APBA1: variants seen among roughly 807,000 people sequenced by gnomAD.
APBA1 encodes amyloid-beta A4 precursor protein-binding family A member 1.
In APBA1, 55 loss-of-function variants were observed where a neutral mutation model predicts 86.6. The observed-to-expected ratio is 0.64, with a 90% CI of 0.51 to 0.80. The LOEUF (loss-of-function observed/expected upper bound fraction) is 0.80, where lower values mean the gene tolerates loss of function less well. APBA1 is among the 30% of genes least tolerant of loss of function. The pLI, the probability that APBA1 is intolerant of heterozygous loss-of-function variation, is 0.00. For missense variants in APBA1, 1,090 were observed against 1,183.0 expected (o/e 0.92, Z 1.15); for synonymous variants, 511 against 493.9 (o/e 1.03, Z -0.46).
chr9:69,551,140 T>C (rs1386254761), intron 1 of APBA1, among the ~76,000 whole-genome samples: 1 of 152,242 alleles, frequency 6.6e-6, no homozygotes, highest in East Asian at 1.9e-4. Context: ...GGATACTTTT[T>C]GGATGGCCTT....
At chr9:69,493,829 CA>C (rs1835752560) in intron 2 of APBA1, among the ~76,000 whole-genome samples, 1 of 152,122 alleles carries the variant, frequency 6.6e-6, no homozygotes, top group South Asian at 2.1e-4. Flanking sequence ...CCACTGTCCT[CA>C]AATAGCTTTG....
intron 1 of APBA1, among the ~76,000 whole-genome samples, chr9:69,577,400 A>G (rs1162812537): frequency 6.6e-6 from 1 of 152,214 alleles, no homozygotes; most frequent in African/African-American, 2.4e-5. Context: ...GCCCCACATT[A>G]TGGGAAACCC....
intron 1 of APBA1, among the ~76,000 whole-genome samples, chr9:69,582,203 A>T (rs1342315398): frequency 6.6e-6 from 1 of 152,230 alleles, no homozygotes; most frequent in African/African-American, 2.4e-5. Flanking sequence ...CCGAGCACTT[A>T]ACACATCAAA....
At chr9:69,470,149 C>G (rs1835343749) in intron 4 of APBA1, among the ~76,000 whole-genome samples, 1 of 152,152 alleles carries the variant, frequency 6.6e-6, no homozygotes, top group African/African-American at 2.4e-5. Context: ...TGTCATTTAT[C>G]CTTTCAGGAA....
chr9:69,579,943 C>A (rs185651980), intron 1 of APBA1, among the ~76,000 whole-genome samples: 1 of 152,068 alleles, frequency 6.6e-6, no homozygotes, highest in Admixed American at 6.6e-5. Context: ...AGCCTTTGAC[C>A]CAGAGATGCG....
chr9:69,577,514 A>C (rs1271589847), intron 1 of APBA1, among the ~76,000 whole-genome samples: 4 of 152,202 alleles, frequency 2.6e-5, no homozygotes, highest in Admixed American at 6.5e-5. Flanking sequence ...CAAGAGAGAA[A>C]GCTTTGGAAA....
At position 69,586,270 on chromosome 9, in the gene APBA1, T is replaced by C. The variant is rs987619406; in HGVS notation, c.-69-68991A>G. 4.6e-5 allele frequency among the ~76,000 whole-genome samples: 7 copies of C among 152,248 alleles called. 1 individual carries two copies. The South Asian group carries it at 1.4e-3, about 31-fold the overall frequency. ...TGGCATCTCCTTGCCCCTTACTGTA[T>C]ACAAGCAGCTCAGAATCAGATCTCC... is the stretch of plus-strand genomic sequence containing the variant. On this transcript the variant is annotated intron_variant, in intron 1 of 12. Transcript: ENST00000265381.
At chr9:69,491,244 G>A (rs922643569) in intron 2 of APBA1, among the ~76,000 whole-genome samples, 7 of 152,030 alleles carry the variant, frequency 4.6e-5, no homozygotes, top group African/African-American at 1.7e-4. Context: ...AGAAAATGTG[G>A]CACATACACA....
In APBA1 at chr9:69,467,976, A is replaced by G; in HGVS notation, c.1337-8T>C. The G allele has an allele frequency of 6.2e-7, 1 of 1,613,428 alleles. No individual in the cohort carries two copies. Among genetic ancestry groups the G allele is most frequent in the Non-Finnish European group, 8.5e-7 (1 of 1,179,506 alleles). Reference sequence around the variant, plus strand: ...GGTCGCAGGGTCCCGGAACTGTAACACATAGAGCCACAGTGAGGAAGCCAT... The same window carrying G: ...GGTCGCAGGGTCCCGGAACTGTAACGCATAGAGCCACAGTGAGGAAGCCAT... On this transcript the variant is annotated splice_polypyrimidine_tract_variant and splice_region_variant and intron_variant, in intron 4 of 12. Transcript: ENST00000265381.
chr9:69,504,736 T>C (rs1174357393), intron 2 of APBA1, among the ~76,000 whole-genome samples: 1 of 151,998 alleles, frequency 6.6e-6, no homozygotes, highest in Non-Finnish European at 1.5e-5. Context: ...TCTCACTGCT[T>C]AGTGGGCCGT....
intron 1 of APBA1, among the ~76,000 whole-genome samples, chr9:69,537,821 CATTAAGGGT>C (rs1836537556): frequency 6.7e-6 from 1 of 150,002 alleles, no homozygotes; most frequent in Non-Finnish European, 1.5e-5. Context: ...GGCTTTTTAA[CATTAAGGGT>C]ATTAACTTTT....
chr9:69,622,827 T>C (rs7856518), intron 1 of APBA1, among the ~76,000 whole-genome samples: 7,761 of 152,262 alleles, frequency 0.051, 300 homozygotes, highest in African/African-American at 0.1. Flanking sequence ...GTAGGGATGA[T>C]TGGTATAATT....
chr9:69,542,576 C>G (rs1276804350), intron 1 of APBA1, among the ~76,000 whole-genome samples: 2 of 152,170 alleles, frequency 1.3e-5, no homozygotes, highest in African/African-American at 4.8e-5. Context: ...AATAAAGCTG[C>G]TATAAACATC....
At position 69,488,809 on chromosome 9, in the gene APBA1, C is replaced by T. The variant is rs565299313; in HGVS notation, c.1201-12666G>A. Reference sequence around the variant, plus strand: ...AGTCTCAGGATACAAAATCAATGTGCAAAAATCACAAGCATTCTTATACAC... The same window carrying T: ...AGTCTCAGGATACAAAATCAATGTGTAAAAATCACAAGCATTCTTATACAC... On this transcript the variant is annotated intron_variant, in intron 2 of 12. Coordinates refer to ENST00000265381, the MANE Select transcript of APBA1 (RefSeq NM_001163.4). Among the ~76,000 whole-genome samples, 19 of 152,198 alleles carry T rather than the reference C, an allele frequency of 1.2e-4. No homozygotes were observed. In the South Asian group the frequency reaches 3.7e-3, roughly 30 times the overall value.
intron 2 of APBA1, among the ~76,000 whole-genome samples, chr9:69,483,654 G>C (rs918128457): frequency 1.3e-5 from 2 of 152,138 alleles, no homozygotes; most frequent in African/African-American, 4.8e-5. Context: ...TATGATCCCA[G>C]CCTAATGCTG....
chr9:69,431,205 C>T lies in APBA1; in HGVS notation c.*122G>A, dbSNP rs532619317. On this transcript the variant is annotated 3_prime_UTR_variant, in exon 13 of 13. Coordinates refer to ENST00000265381, the MANE Select transcript of APBA1 (RefSeq NM_001163.4). Reference sequence around the variant, plus strand: ...AGAGGTCCTTGTGGATTCTTCTCTTCCTGTGTAAAACCAAATGCTGGGCGC... The same window carrying T: ...AGAGGTCCTTGTGGATTCTTCTCTTTCTGTGTAAAACCAAATGCTGGGCGC... 5 of 649,838 alleles carry T rather than the reference C, an allele frequency of 7.7e-6. No homozygotes were observed. The highest frequency in any genetic ancestry group is 6.0e-5 in the Admixed American group (2 of 33,090). 40.3% of individuals were successfully genotyped at this position (649,838 alleles called of 1,614,324 possible). A position where few individuals can be genotyped will look rare whatever the true frequency, so the allele number is the denominator to read the frequency against.
At chr9:69,464,250 G>A (rs1048934130) in intron 5 of APBA1, 22 of 152,174 alleles carry the variant, frequency 1.4e-4, no homozygotes, top group Admixed American at 7.2e-4. Context: ...TGGATATAAC[G>A]TCAACCAATC....
rs773386871 is a variant in APBA1, at chr9:69,516,061, C to T, written c.1150G>A (p.Asp384Asn). 5.0e-6 allele frequency: 8 copies of T among 1,611,896 alleles called. No individual in the cohort carries two copies. The East Asian group carries it at 6.7e-5, about 14-fold the overall frequency. The stretch of plus-strand genomic sequence containing the variant: ...TCACAGTCCCTGGTGGGGCTAATGT[C>T]CTGGCGCATGACCCAGATGGGCTCT... ...PKEPIWVMRQ[D>N]ISPTRDCDDQ... The change falls in exon 2 of 13, where the codon GAC (aspartate) becomes AAC (asparagine). Residue 384 changes from aspartate (D) to asparagine (N), a missense_variant. This residue lies in a region of APBA1 where 678 missense variants were observed against 647.1 expected (regional missense o/e 1.05). Coordinates refer to ENST00000265381, the MANE Select transcript of APBA1 (RefSeq NM_001163.4). The surrounding 1 kb of genome is among the most constrained non-coding windows in gnomAD (Gnocchi z 7.3).
upstream of APBA1, chr9:69,672,632 G>C (rs1319508115): frequency 6.6e-6 from 1 of 151,340 alleles, no homozygotes; most frequent in Non-Finnish European, 1.5e-5. Flanking sequence ...GCCGGTGGGC[G>C]TGCGGCACAC....
Sources: allele counts gnomAD v4.1 joint callset (sites outside exome capture counted in the v4.1 genomes callset), GRCh38; gene constraint gnomAD v4.1.1; regional missense constraint gnomAD v4.1.1; non-coding constraint Gnocchi (gnomAD v3.1); transcripts MANE v1.5; gene names NCBI Gene and HGNC (gene_info 2026-07-23, HGNC 2026-07-21).